The following ESRRG variants were observed in gnomAD, a reference collection of about 807,000 sequenced individuals.
The protein encoded by ESRRG is estrogen-related receptor gamma.
Under a neutral mutation model 44.0 loss-of-function variants are expected in ESRRG, and 13 were observed. That is an observed-to-expected ratio of 0.30 (90% CI 0.19 to 0.47). ESRRG has a LOEUF of 0.47. ESRRG is among the 20% of genes least tolerant of loss of function. The pLI is 1.00. For missense variants in ESRRG, 395 were observed against 580.6 expected (o/e 0.68, Z 3.29); for synonymous variants, 215 against 214.6 (o/e 1.00, Z -0.02).
chr1:216,806,674 A>T (rs532031660), intron 2 of ESRRG, among the ~76,000 whole-genome samples: 1 of 152,180 alleles, frequency 6.6e-6, no homozygotes, highest in Non-Finnish European at 1.5e-5. Flanking sequence ...TTACTTGTGG[A>T]GTTAAATTAA....
At chr1:216,800,044 A>T (rs1476486601) in intron 2 of ESRRG, among the ~76,000 whole-genome samples, 1 of 152,174 alleles carries the variant, frequency 6.6e-6, no homozygotes, top group East Asian at 1.9e-4. Context: ...TGCTAAAACA[A>T]AGAAAAGAAA....
In ESRRG at chr1:216,606,524, C is replaced by T. The variant is rs967790387; in HGVS notation, c.590-38426G>A. On this transcript the variant is annotated intron_variant, in intron 3 of 6. Transcript: ENST00000408911. ...CAATTTTTTGTTACCATTTTATTGC[C>T]GCTTTCCCTTATTATTGGCCACTCT... 1.3e-5 allele frequency among the ~76,000 whole-genome samples: 2 copies of T among 151,964 alleles called. 1 individual carries two copies. Among genetic ancestry groups the T allele is most frequent in the Admixed American group, 1.3e-4 (2 of 15,236 alleles).
intron 2 of ESRRG, among the ~76,000 whole-genome samples, chr1:216,880,135 C>G (rs2096420040): frequency 6.6e-6 from 1 of 150,970 alleles, no homozygotes; most frequent in Non-Finnish European, 1.5e-5. Flanking sequence ...TGGTGAAACC[C>G]CATCTCTACT....
intron 2 of ESRRG, among the ~76,000 whole-genome samples, chr1:216,918,787 T>TATATTTGAA (rs2061488007): frequency 6.7e-6 from 1 of 149,480 alleles, no homozygotes; most frequent in Non-Finnish European, 1.5e-5. Flanking sequence ...TAAAAATCCC[T>TATATTTGAA]ATATTTGAAA....
intron 3 of ESRRG, among the ~76,000 whole-genome samples, chr1:216,580,348 A>T (rs947759972): frequency 1.3e-5 from 2 of 152,210 alleles, no homozygotes; most frequent in African/African-American, 4.8e-5. Context: ...CAGTAAATTA[A>T]GAAAAGTATA....
At chr1:216,975,021 ACTAT>A (rs1448236461) in intron 1 of ESRRG, among the ~76,000 whole-genome samples, 2 of 152,182 alleles carry the variant, frequency 1.3e-5, no homozygotes, top group Non-Finnish European at 2.9e-5. Context: ...AACTGTTGAC[ACTAT>A]CTGTTTTAGT....
intron 1 of ESRRG, among the ~76,000 whole-genome samples, chr1:216,969,341 T>C (rs955082423): frequency 2.6e-5 from 4 of 152,136 alleles, no homozygotes; most frequent in Non-Finnish European, 5.9e-5. Flanking sequence ...TGAATGAATG[T>C]TGAAATTTTC....
intron 2 of ESRRG, among the ~76,000 whole-genome samples, chr1:216,768,480 A>ATCTATCTATCTATCTATCTACCTATCTG (rs2093214337): frequency 6.7e-6 from 1 of 150,170 alleles, no homozygotes; most frequent in Non-Finnish European, 1.5e-5. Context: ...CTATCTATCT[A>ATCTATCTATCTATCTATCTACCTATCTG]TCTATCTATC....
At chr1:216,531,595 A>G (rs2049387934) in intron 5 of ESRRG, among the ~76,000 whole-genome samples, 1 of 152,126 alleles carries the variant, frequency 6.6e-6, no homozygotes, top group South Asian at 2.1e-4. Context: ...ACATCAAACA[A>G]CACAGCTCTC....
chr1:217,019,362 A>G (rs11572431), intron 1 of ESRRG, among the ~76,000 whole-genome samples: 331 of 152,304 alleles, frequency 2.2e-3, no homozygotes, highest in African/African-American at 7.5e-3. Flanking sequence ...ATTTTTCATA[A>G]AGGCATGACT....
chr1:216,888,157 A>G (rs1313251189), intron 2 of ESRRG, among the ~76,000 whole-genome samples: 1 of 152,158 alleles, frequency 6.6e-6, no homozygotes, highest in Non-Finnish European at 1.5e-5. Context: ...CTATTTCAAG[A>G]AGGGCTTTCC....
chr1:216,933,178 T>C (rs2063621315), intron 2 of ESRRG, among the ~76,000 whole-genome samples: 1 of 152,176 alleles, frequency 6.6e-6, no homozygotes, highest in South Asian at 2.1e-4. Flanking sequence ...TTATAGTCAT[T>C]GTTATTCCCA....
At chr1:216,630,928 T>G (rs2064054613) in intron 3 of ESRRG, among the ~76,000 whole-genome samples, 1 of 152,156 alleles carries the variant, frequency 6.6e-6, no homozygotes, top group Non-Finnish European at 1.5e-5. Context: ...TTTCATCAGA[T>G]TTTGTCAGTG....
chr1:216,942,356 A>G (rs2065385643), intron 1 of ESRRG, among the ~76,000 whole-genome samples: 1 of 152,144 alleles, frequency 6.6e-6, no homozygotes, highest in Non-Finnish European at 1.5e-5. Flanking sequence ...GCTATTGTGA[A>G]TAGTGCTGTG....
Position 216,607,168 on chromosome 1 carries a change from A to G in ESRRG, c.590-39070T>C, listed in dbSNP as rs189244660. Among the ~76,000 whole-genome samples, 20 of 152,330 alleles carry G rather than the reference A, an allele frequency of 1.3e-4. No homozygotes were observed. In the East Asian group the frequency reaches 3.9e-3, roughly 30 times the overall value. On this transcript the variant is annotated intron_variant, in intron 3 of 6. Transcript: ENST00000408911. ...AATCTTGTCTATTCCAATGACATTC[A>G]GACTCCTGAGAGGGTTAAAGACAGT...
Position 217,100,728 on chromosome 1 carries a change from G to A in ESRRG, c.-230+36939C>T, listed in dbSNP as rs538954913. Among the ~76,000 whole-genome samples, 5 of 152,292 alleles carry A rather than the reference G, an allele frequency of 3.3e-5. No individual in the cohort carries two copies. In the East Asian group the frequency reaches 5.8e-4, roughly 18 times the overall value. On this transcript the variant is annotated intron_variant, in intron 1 of 8. Coordinates refer to the ESRRG transcript ENST00000366940. ...CCAGCACATCACATGGCGAGAGTGGGAGCAAGAGCGAGAAGTAAGAGGTGC... is the reference window on the plus strand; with the variant it reads ...CCAGCACATCACATGGCGAGAGTGGAAGCAAGAGCGAGAAGTAAGAGGTGC...
At chr1:216,792,855 T>C (rs766794198) in intron 2 of ESRRG, among the ~76,000 whole-genome samples, 1 of 152,198 alleles carries the variant, frequency 6.6e-6, no homozygotes. Flanking sequence ...TCATTCAATA[T>C]AGCTTTTCAT....
chr1:217,074,595 TG>T (rs1227803658), intron 1 of ESRRG, among the ~76,000 whole-genome samples: 2 of 152,028 alleles, frequency 1.3e-5, no homozygotes, highest in Non-Finnish European at 1.5e-5. Flanking sequence ...CCTAGCACTT[TG>T]GGAGGCCAAG....
intron 1 of ESRRG, among the ~76,000 whole-genome samples, chr1:217,031,061 T>C (rs930857692): frequency 6.6e-6 from 1 of 152,232 alleles, no homozygotes; most frequent in Admixed American, 6.5e-5. Flanking sequence ...TGGCAAACTA[T>C]GGCTTGCAGG....
Sources: allele counts gnomAD v4.1 joint callset (sites outside exome capture counted in the v4.1 genomes callset), GRCh38; gene constraint gnomAD v4.1.1; transcripts MANE v1.5; gene names NCBI Gene and HGNC (gene_info 2026-07-23, HGNC 2026-07-21).